ACTR2: variants seen among roughly 807,000 people sequenced by gnomAD.
The protein encoded by ACTR2 is actin related protein 2.
A neutral mutation model predicts 50.2 loss-of-function variants in ACTR2; 5 were observed. The observed-to-expected ratio is 0.10, with a 90% CI of 0.05 to 0.21. The LOEUF (loss-of-function observed/expected upper bound fraction) is 0.21. ACTR2 is among the 10% of genes least tolerant of loss of function. The pLI is 1.00. For missense variants in ACTR2, 180 were observed against 480.6 expected (o/e 0.37, Z 5.85); for synonymous variants, 140 against 162.9 (o/e 0.86, Z 1.07).
chr2:65,257,422 G>A (rs1672171360), intron 6 of ACTR2, among the ~76,000 whole-genome samples: 1 of 152,148 alleles, frequency 6.6e-6, no homozygotes, highest in East Asian at 1.9e-4. Flanking sequence ...GTGTGCATGT[G>A]TCTTTATAGT....
chr2:65,236,669 C>T (rs1309786067), intron 1 of ACTR2, among the ~76,000 whole-genome samples: 1 of 152,082 alleles, frequency 6.6e-6, no homozygotes, highest in Non-Finnish European at 1.5e-5. Flanking sequence ...CAACCTCCGC[C>T]TCCCAGGTTC....
intron 1 of ACTR2, among the ~76,000 whole-genome samples, chr2:65,238,548 A>G (rs1671781185): frequency 6.6e-6 from 1 of 150,586 alleles, no homozygotes; most frequent in South Asian, 2.1e-4. Context: ...AGTCTCAGCT[A>G]CTCGGGATGC....
chr2:65,243,925 G>A (rs1481876763), intron 2 of ACTR2, among the ~76,000 whole-genome samples: 1 of 152,042 alleles, frequency 6.6e-6, no homozygotes, highest in Non-Finnish European at 1.5e-5. Context: ...TCTGAGTGAT[G>A]AAGGCAAGTT....
At chr2:65,254,204 C>T (rs1672105403) in intron 5 of ACTR2, among the ~76,000 whole-genome samples, 1 of 152,116 alleles carries the variant, frequency 6.6e-6, no homozygotes, top group African/African-American at 2.4e-5. Flanking sequence ...TCTTGGACAG[C>T]TCAGGCAGCC....
Position 65,261,412 on chromosome 2 carries a change from T to G in ACTR2, c.881+20T>G. Reference sequence around the variant, plus strand: ...TACCAGGTACATTAGAAGTGGTGATTTCAAAGTTATTTATCAGAAAAATCA... The same window carrying G: ...TACCAGGTACATTAGAAGTGGTGATGTCAAAGTTATTTATCAGAAAAATCA... On this transcript the variant is annotated intron_variant, in intron 7 of 8. Transcript: ENST00000260641. 2 of 1,589,294 alleles carry G rather than the reference T, an allele frequency of 1.3e-6. No homozygotes were observed. The highest frequency in any genetic ancestry group is 1.7e-6 in the Non-Finnish European group (2 of 1,167,810).
chr2:65,267,056 T>C (rs1253813889), intron 8 of ACTR2, among the ~76,000 whole-genome samples: 1 of 152,112 alleles, frequency 6.6e-6, no homozygotes, highest in African/African-American at 2.4e-5. Context: ...TAAGGTAGTG[T>C]GTGAGAGAGA....
intron 2 of ACTR2, among the ~76,000 whole-genome samples, chr2:65,244,497 TC>T (rs1449361031): frequency 6.6e-6 from 1 of 152,202 alleles, no homozygotes; most frequent in Admixed American, 6.5e-5. Context: ...TTATTACATA[TC>T]TGTTCATCTG....
At chr2:65,262,370 C>T (rs1016306799) in intron 7 of ACTR2, among the ~76,000 whole-genome samples, 1 of 151,718 alleles carries the variant, frequency 6.6e-6, no homozygotes, top group East Asian at 1.9e-4. Flanking sequence ...GCTGAGATTA[C>T]AGGCATGTAC....
chr2:65,239,753 A>C, intron 1 of ACTR2, 99 bp from the exon 2 acceptor site: 1 of 801,588 alleles, frequency 1.2e-6, no homozygotes, highest in Admixed American at 2.1e-5. Flanking sequence ...AAAAGTTTAA[A>C]ATGTTATATA....
intron 1 of ACTR2, among the ~76,000 whole-genome samples, chr2:65,233,518 A>G (rs1049434851): frequency 1.8e-4 from 27 of 151,786 alleles, no homozygotes; most frequent in African/African-American, 6.3e-4. Context: ...AAAAATTATA[A>G]TTTTTATTTT....
rs1189611204 is a variant in ACTR2, at chr2:65,242,104, T to C, written c.159+2142T>C. 5 of 1,463,372 alleles carry C rather than the reference T, an allele frequency of 3.4e-6. No individual in the cohort carries two copies. In the African/African-American group the frequency reaches 6.9e-5, roughly 20 times the overall value. The allele number at this position is 1,463,372 out of a possible 1,614,324, so 90.6% of individuals were successfully genotyped here. A position where few individuals can be genotyped will look rare whatever the true frequency, so the allele number is the denominator to read the frequency against. On this transcript the variant is annotated intron_variant, in intron 2 of 8. Coordinates refer to ENST00000260641, the MANE Select transcript of ACTR2 (RefSeq NM_005722.4). ...CACATGCTCTGTTTGTTTTCCACTT[T>C]TGCTTGATGGGACAGTAGTTGTTGT...
rs767865375 is a variant in ACTR2 at position 65,270,748 on chromosome 2, T to TG, written c.*2015dup. ...TTGATTTCATAATTCTGCTGGTAAA[T>TG]GTGACAGTTAAAATGGTGCATTATG... is the stretch of plus-strand genomic sequence containing the variant. On this transcript the variant is annotated 3_prime_UTR_variant, in exon 9 of 9. Transcript: ENST00000260641. 4.6e-5 allele frequency: 7 copies of TG among 152,204 alleles called. No individual in the cohort carries two copies. Among genetic ancestry groups the TG allele is most frequent in the Non-Finnish European group, 1.0e-4 (7 of 68,028 alleles). The allele number at this position is 152,204 out of a possible 1,614,324, so 9.4% of individuals were successfully genotyped here. A position where few individuals can be genotyped will look rare whatever the true frequency, so the allele number is the denominator to read the frequency against.
intron 8 of ACTR2, among the ~76,000 whole-genome samples, chr2:65,267,816 C>G (rs1477599846): frequency 6.9e-6 from 1 of 144,454 alleles, no homozygotes; most frequent in Non-Finnish European, 1.5e-5. Flanking sequence ...TTGCCCTGGA[C>G]TAGAATCATA....
chr2:65,265,290 G>C, intron 8 of ACTR2, 115 bp downstream of exon 8: 1 of 1,072,750 alleles, frequency 9.3e-7, no homozygotes, highest in Non-Finnish European at 1.4e-6. Flanking sequence ...AATTCCTACT[G>C]CAGTCAAGTG....
At chr2:65,232,628 A>G (rs1671660827) in intron 1 of ACTR2, among the ~76,000 whole-genome samples, 1 of 152,202 alleles carries the variant, frequency 6.6e-6, no homozygotes, top group South Asian at 2.1e-4. Flanking sequence ...ATAAGCCCAA[A>G]TGGGGCTTTA....
chr2:65,228,013 C>G lies in ACTR2; in HGVS notation c.48+56C>G, dbSNP rs1387234817. On this transcript the variant is annotated intron_variant, in intron 1 of 8. Transcript: ENST00000260641. The stretch of plus-strand genomic sequence containing the variant: ...CACAGACGCCGGCGGGGACGAGCAG[C>G]TGGCGCACGGGCCCTCGGCCCCCAG... 4 of 1,459,760 alleles carry G rather than the reference C, an allele frequency of 2.7e-6. No homozygotes were observed. In the African/African-American group the frequency reaches 6.0e-5, roughly 22 times the overall value. 90.4% of individuals were successfully genotyped at this position (1,459,760 alleles called of 1,614,324 possible).
chr2:65,268,477 G>A (rs1672427746), intron 8 of ACTR2, 87 bp from the exon 9 acceptor site: 2 of 1,193,754 alleles, frequency 1.7e-6, no homozygotes, highest in Non-Finnish European at 2.3e-6. Flanking sequence ...CAAGTTTGAG[G>A]GAGAGCATAT....
chr2:65,228,780 G>T (rs1671580693), intron 1 of ACTR2, among the ~76,000 whole-genome samples: 2 of 152,012 alleles, frequency 1.3e-5, no homozygotes, highest in Non-Finnish European at 2.9e-5. Context: ...TGTAAAATCT[G>T]ACTAAAGCAC....
chr2:65,264,855 G>C, intron 7 of ACTR2, among the ~76,000 whole-genome samples, 188 bp from the exon 8 acceptor site: 1 of 152,132 alleles, frequency 6.6e-6, no homozygotes. Context: ...ATTATGAAAA[G>C]ATTTTATATG....
Sources: gnomAD v4.1 joint callset for allele counts (sites outside exome capture counted in the v4.1 genomes callset) on GRCh38, gnomAD v4.1.1 for gene constraint, MANE v1.5 for transcripts, NCBI Gene and HGNC (gene_info 2026-07-23, HGNC 2026-07-21) for gene names.